FZD3: variants seen among roughly 807,000 people sequenced by gnomAD.
FZD3 encodes the protein frizzled class receptor 3.
A neutral mutation model predicts 60.7 loss-of-function variants in FZD3; 30 were observed. That is an observed-to-expected ratio of 0.49 (90% CI 0.37 to 0.67). FZD3 has a LOEUF of 0.67. FZD3 is among the 30% of genes least tolerant of loss of function. FZD3 has a pLI of 0.00. For missense variants in FZD3, 605 were observed against 838.7 expected (o/e 0.72, Z 3.44); for synonymous variants, 246 against 275.2 (o/e 0.89, Z 1.05).
chr8:28,538,727 G>T (rs1273971928), intron 5 of FZD3, among the ~76,000 whole-genome samples: 1 of 151,972 alleles, frequency 6.6e-6, no homozygotes, highest in African/African-American at 2.4e-5. Context: ...TGAATAATCT[G>T]TAGGGGTTTT....
In FZD3 at chr8:28,551,601, A is replaced by G; in HGVS notation, c.1405-2A>G. The G allele has an allele frequency of 6.3e-7, 1 of 1,589,992 alleles. No homozygotes were observed. The highest frequency in any genetic ancestry group is 1.3e-5 in the African/African-American group (1 of 74,270). On this transcript the variant is annotated splice_acceptor_variant, in intron 5 of 7. Transcript: ENST00000240093. LOFTEE classifies it high-confidence loss of function. Reference sequence around the variant, plus strand: ...AAGATGCTTTTCTTTCTGTTCTTCCAGGTTACTCAAATGAGTCGTCCAGAC... The same window carrying G: ...AAGATGCTTTTCTTTCTGTTCTTCCGGGTTACTCAAATGAGTCGTCCAGAC...
intron 7 of FZD3, among the ~76,000 whole-genome samples, chr8:28,561,727 G>A (rs1275774513): frequency 3.3e-5 from 5 of 151,990 alleles, no homozygotes; most frequent in South Asian, 4.2e-4. Context: ...TTACAGAATG[G>A]CATATATATA....
At chr8:28,509,696 G>A (rs1435383351) in intron 3 of FZD3, among the ~76,000 whole-genome samples, 2 of 152,134 alleles carry the variant, frequency 1.3e-5, no homozygotes, top group African/African-American at 4.8e-5. Flanking sequence ...CACAGTATTT[G>A]CCCTTTTGCG....
At chr8:28,521,695 A>T (rs989584607) in intron 4 of FZD3, among the ~76,000 whole-genome samples, 2 of 152,196 alleles carry the variant, frequency 1.3e-5, no homozygotes, top group Admixed American at 6.5e-5. Flanking sequence ...ACATGTATGC[A>T]TATCCATAAA....
At chr8:28,549,910 TG>T (rs1805372598) in intron 5 of FZD3, among the ~76,000 whole-genome samples, 1 of 152,178 alleles carries the variant, frequency 6.6e-6, no homozygotes, top group African/African-American at 2.4e-5. Context: ...TTCCCCTGTT[TG>T]GTCCTGGCCT....
chr8:28,531,879 G>A (rs927931676), intron 5 of FZD3, among the ~76,000 whole-genome samples: 2 of 151,540 alleles, frequency 1.3e-5, no homozygotes, highest in South Asian at 4.2e-4. Flanking sequence ...CACTTTATTT[G>A]TGCTTTCTTA....
rs1805664853 is a variant in FZD3, at chr8:28,564,223, T to C, written c.*1212T>C. The C allele has an allele frequency of 6.6e-6, 1 of 152,382 alleles. No individual in the cohort carries two copies. The highest frequency in any genetic ancestry group is 1.5e-5 in the Non-Finnish European group (1 of 68,036). 9.4% of individuals were successfully genotyped at this position (152,382 alleles called of 1,614,324 possible). On this transcript the variant is annotated 3_prime_UTR_variant, in exon 8 of 8. Coordinates refer to ENST00000240093, the MANE Select transcript of FZD3 (RefSeq NM_017412.4). The stretch of plus-strand genomic sequence containing the variant: ...CTTTAAAAAATCAAGTAAAAATGTT[T>C]ATCTGATAATGTTTAAATAATTTAC...
At chr8:28,494,508 G>A (rs913776355) in intron 1 of FZD3, among the ~76,000 whole-genome samples, 165 bp downstream of exon 1, 1 of 152,126 alleles carries the variant, frequency 6.6e-6, no homozygotes, top group East Asian at 1.9e-4. Flanking sequence ...CGTTCCTCTC[G>A]TCGCGGCCAC....
rs1283842537 is a variant in FZD3, at chr8:28,563,061, A to G, written c.*50A>G. ...TTGTGCTGTTTAAAAAGCAGATTTT[A>G]TTCTTTGCCTTTTGCATGACTGATA... On this transcript the variant is annotated 3_prime_UTR_variant, in exon 8 of 8. Coordinates refer to ENST00000240093, the MANE Select transcript of FZD3 (RefSeq NM_017412.4). 7.8e-7 allele frequency: 1 copy of G among 1,278,392 alleles called. No individual in the cohort carries two copies. Among genetic ancestry groups the G allele is most frequent in the Non-Finnish European group, 1.1e-6 (1 of 875,214 alleles). 79.2% of individuals were successfully genotyped at this position (1,278,392 alleles called of 1,614,324 possible).
At chr8:28,521,857 T>A (rs1342178888) in intron 4 of FZD3, among the ~76,000 whole-genome samples, 1 of 152,220 alleles carries the variant, frequency 6.6e-6, no homozygotes, top group African/African-American at 2.4e-5. Flanking sequence ...TGTTTCCAGA[T>A]TTTTGTTATT....
chr8:28,528,259 C>T, intron 5 of FZD3, 95 bp downstream of exon 5: 1 of 880,992 alleles, frequency 1.1e-6, no homozygotes. Context: ...TTTGAAATGT[C>T]ATGAACCTTC....
chr8:28,546,500 A>G (rs1167732005), intron 5 of FZD3, among the ~76,000 whole-genome samples: 1 of 152,028 alleles, frequency 6.6e-6, no homozygotes, highest in East Asian at 1.9e-4. Context: ...TATTTAAACA[A>G]TCCCCTATTG....
chr8:28,528,927 G>A lies in FZD3; in HGVS notation c.1404+763G>A, dbSNP rs78908025. 4.7e-3 allele frequency among the ~76,000 whole-genome samples: 722 copies of A among 152,004 alleles called. 26 individuals carry two copies. The East Asian group carries it at 0.092, about 19-fold the overall frequency. On this transcript the variant is annotated intron_variant, in intron 5 of 7. Transcript: ENST00000240093. Reference sequence around the variant, plus strand: ...CTACTATTACCCTACCTTCTTTTATGTATTTATGATTATTATTTAGAAACA... The same window carrying A: ...CTACTATTACCCTACCTTCTTTTATATATTTATGATTATTATTTAGAAACA...
chr8:28,541,032 CT>C (rs1805153139), intron 5 of FZD3, among the ~76,000 whole-genome samples: 2 of 152,108 alleles, frequency 1.3e-5, no homozygotes, highest in Admixed American at 6.6e-5. Flanking sequence ...AAATATTTTT[CT>C]TTAGTAGGCT....
At chr8:28,559,018 G>A (rs924622681) in intron 7 of FZD3, among the ~76,000 whole-genome samples, 1 of 152,188 alleles carries the variant, frequency 6.6e-6, no homozygotes, top group Non-Finnish European at 1.5e-5. Context: ...GATAACAGAT[G>A]TAGAACTGCA....
chr8:28,505,245 C>G (rs1005552946), intron 3 of FZD3: 3 of 154,550 alleles, frequency 1.9e-5, no homozygotes, highest in African/African-American at 7.2e-5. Context: ...CCAGCACACT[C>G]TTGAGTGTTT....
intron 1 of FZD3, among the ~76,000 whole-genome samples, chr8:28,496,519 AAG>A (rs1226409627): frequency 2.0e-5 from 3 of 152,192 alleles, no homozygotes; most frequent in African/African-American, 7.2e-5. Context: ...CAAAAATAAA[AAG>A]AATGATTTTA....
At position 28,564,665 on chromosome 8, in the gene FZD3, G is replaced by A. The variant is rs193273720; in HGVS notation, c.*1654G>A. 6 of 152,234 alleles carry A rather than the reference G, an allele frequency of 3.9e-5. No individual in the cohort carries two copies. Among genetic ancestry groups the A allele is most frequent in the Admixed American group, 3.9e-4 (6 of 15,282 alleles). 9.4% of individuals were successfully genotyped at this position (152,234 alleles called of 1,614,324 possible). A position where few individuals can be genotyped will look rare whatever the true frequency, so the allele number is the denominator to read the frequency against. On this transcript the variant is annotated 3_prime_UTR_variant, in exon 8 of 8. Coordinates refer to ENST00000240093, the MANE Select transcript of FZD3 (RefSeq NM_017412.4). ...ACTCCTAGAGAGACTTACTCAGTAAGGCCAAAGTGATAGGACTTTAAAATC... is the reference window on the plus strand; with the variant it reads ...ACTCCTAGAGAGACTTACTCAGTAAAGCCAAAGTGATAGGACTTTAAAATC...
intron 5 of FZD3, among the ~76,000 whole-genome samples, chr8:28,541,833 G>A (rs749755973): frequency 6.6e-6 from 1 of 152,128 alleles, no homozygotes; most frequent in Admixed American, 6.5e-5. Flanking sequence ...ATCCAGATTT[G>A]GAGCTATCTT....
Sources: allele counts gnomAD v4.1 joint callset (sites outside exome capture counted in the v4.1 genomes callset), GRCh38; gene constraint gnomAD v4.1.1; transcripts MANE v1.5; gene names NCBI Gene and HGNC (gene_info 2026-07-23, HGNC 2026-07-21).